PSMG4: variants seen among roughly 807,000 people sequenced by gnomAD.
The protein encoded by PSMG4 is proteasome (prosome, macropain) assembly chaperone 4.
Under a neutral mutation model 11.0 loss-of-function variants are expected in PSMG4, and 10 were observed. The ratio of observed to expected loss-of-function variants is 0.91; its 90% CI spans 0.56 to 1.54. The LOEUF (loss-of-function observed/expected upper bound fraction) is 1.54, where lower values mean the gene tolerates loss of function less well. Among genes scored for constraint, PSMG4 ranks in the 40% most tolerant of loss-of-function variants. The pLI, the probability that PSMG4 is intolerant of heterozygous loss-of-function variation, is 0.00. For missense variants in PSMG4, 198 were observed against 160.9 expected, an observed-to-expected ratio of 1.23 and a Z score of -1.25; for synonymous variants, 95 against 71.3, an observed-to-expected ratio of 1.33 and a Z score of -1.68.
chr6:3,267,446 GAA>G, intron 2 of PSMG4, 143 bp from the exon 3 acceptor site: 1 of 871,992 alleles, frequency 1.1e-6, no homozygotes, highest in East Asian at 3.0e-5. Flanking sequence ...GCACCTGTCT[GAA>G]GAGAGGCATG....
intron 2 of PSMG4, chr6:3,264,502 T>G: frequency 8.1e-7 from 1 of 1,237,194 alleles, no homozygotes; most frequent in Non-Finnish European, 1.1e-6. Context: ...AACCTCTGTG[T>G]CAGTCACACT....
upstream of PSMG4, chr6:3,258,810 A>G (rs1757848671): frequency 7.5e-6 from 3 of 398,564 alleles, no homozygotes; most frequent in Non-Finnish European, 1.3e-5. Context: ...AGGGACAGCT[A>G]CTCCGCCCAG....
At chr6:3,255,074 T>G (rs1757708390), upstream of PSMG4, 3 of 1,550,878 alleles carry the variant, frequency 1.9e-6, no homozygotes, top group African/African-American at 2.7e-5. Flanking sequence ...TGGAATATGC[T>G]TCTATTCCTA....
chr6:3,254,655 T>C (rs1355974767), upstream of PSMG4, among the ~76,000 whole-genome samples: 3 of 152,172 alleles, frequency 2.0e-5, no homozygotes, highest in Admixed American at 6.5e-5. Flanking sequence ...CCTACAGCTT[T>C]GTTCCTTCAA....
upstream of PSMG4, among the ~76,000 whole-genome samples, chr6:3,258,686 TCTG>T (rs901313678): frequency 2.9e-4 from 44 of 152,178 alleles, no homozygotes; most frequent in African/African-American, 9.9e-4. Context: ...GAGGGTGAGT[TCTG>T]CTGGGCGCCC....
At chr6:3,264,810 CTTTGTG>C (rs1758121936) in intron 2 of PSMG4, 1 of 156,312 alleles carries the variant, frequency 6.4e-6, no homozygotes, top group Non-Finnish European at 1.4e-5. Flanking sequence ...ACCCTTCCCT[CTTTGTG>C]TTTGTATCTT....
chr6:3,257,428 C>G (rs1389352119), upstream of PSMG4, among the ~76,000 whole-genome samples: 1 of 152,164 alleles, frequency 6.6e-6, no homozygotes, highest in Non-Finnish European at 1.5e-5. Context: ...CCATGCCAGC[C>G]AGGCCTTGAA....
upstream of PSMG4, among the ~76,000 whole-genome samples, chr6:3,254,625 T>G (rs1239495461): frequency 6.6e-6 from 1 of 152,004 alleles, no homozygotes; most frequent in Non-Finnish European, 1.5e-5. Flanking sequence ...CTTTAAGAGG[T>G]GTAACACTGA....
intron 1 of PSMG4, 43 bp downstream of exon 1, chr6:3,259,239 C>G (rs759063079): frequency 8.2e-7 from 1 of 1,223,204 alleles, no homozygotes; most frequent in African/African-American, 1.6e-5. Flanking sequence ...GGGGCGGGGG[C>G]GCGGGGGCGC....
intron 1 of PSMG4, among the ~76,000 whole-genome samples, chr6:3,261,635 C>G (rs1283519982): frequency 1.3e-5 from 2 of 152,244 alleles, no homozygotes; most frequent in Admixed American, 6.5e-5. Flanking sequence ...GTCCCTCTCA[C>G]TGGCCGCAGT....
chr6:3,267,258 T>G lies in PSMG4; in HGVS notation c.251-333T>G, dbSNP rs1758226690. 34 of 220,996 alleles carry G rather than the reference T, an allele frequency of 1.5e-4. No individual in the cohort carries two copies. The South Asian group carries it at 2.8e-3, about 18-fold the overall frequency. 13.7% of individuals were successfully genotyped at this position (220,996 alleles called of 1,614,324 possible). On this transcript the variant is annotated intron_variant, in intron 2 of 2. Transcript: ENST00000438998. ...AGCAGTGCGGGGCACCTGCAGGATC[T>G]GTTCCAGCAGACAGCTGGCCCCAAA...
upstream of PSMG4, among the ~76,000 whole-genome samples, chr6:3,254,782 C>T (rs939778826): frequency 2.0e-5 from 3 of 152,104 alleles, no homozygotes; most frequent in Non-Finnish European, 4.4e-5. Context: ...TAGGGTCTGG[C>T]TGAATGCTTG....
At chr6:3,258,836 C>T, upstream of PSMG4, 1 of 470,846 alleles carries the variant, frequency 2.1e-6, no homozygotes, top group Non-Finnish European at 3.4e-6. Context: ...GCAGCCGCCC[C>T]GCCTCGACCA....
In PSMG4 at chr6:3,267,880, C is replaced by A; in HGVS notation, c.*168C>A. 1.6e-6 allele frequency: 1 copy of A among 628,542 alleles called. No individual in the cohort carries two copies. Among genetic ancestry groups the A allele is most frequent in the Non-Finnish European group, 2.7e-6 (1 of 376,806 alleles). 38.9% of individuals were successfully genotyped at this position (628,542 alleles called of 1,614,324 possible). A position where few individuals can be genotyped will look rare whatever the true frequency, so the allele number is the denominator to read the frequency against. ...GGGCCAAAAGGCTCATACTGACCCA[C>A]CTGGTGAAGGAGAGGCAAAGTGGGC... On this transcript the variant is annotated 3_prime_UTR_variant, in exon 3 of 3. Transcript: ENST00000438998.
intron 1 of PSMG4, among the ~76,000 whole-genome samples, chr6:3,260,291 AT>A (rs869076629): frequency 0.014 from 971 of 70,854 alleles, 40 homozygotes; most frequent in East Asian, 0.13. Context: ...ATATATATAT[AT>A]TTTTTTTTTT....
Position 3,258,957 on chromosome 6 carries a change from G to T in PSMG4, c.-66G>T, listed in dbSNP as rs1289876969. 9 of 1,222,640 alleles carry T rather than the reference G, an allele frequency of 7.4e-6. No individual in the cohort carries two copies. Among genetic ancestry groups the T allele is most frequent in the Non-Finnish European group, 9.2e-6 (9 of 977,436 alleles). The allele number at this position is 1,222,640 out of a possible 1,614,324, so 75.7% of individuals were successfully genotyped here. A position where few individuals can be genotyped will look rare whatever the true frequency, so the allele number is the denominator to read the frequency against. On this transcript the variant is annotated 5_prime_UTR_variant, in exon 1 of 3. Coordinates refer to ENST00000438998, the MANE Select transcript of PSMG4 (RefSeq NM_001128591.2). ...GGTCTCTCGGTGCTCGCTCCATCGG[G>T]TCTGGCGGGGCTGGCAGCGGCGAGG...
Position 3,259,074 on chromosome 6 carries a change from A to G in PSMG4, c.52A>G (p.Ser18Gly), listed in dbSNP as rs1473812732. The change falls in exon 1 of 3, where the codon AGC becomes GGC. Residue 18 changes from serine to glycine, a missense_variant. By Grantham distance (56) the Ser-to-Gly change is moderately conservative. Transcript: ENST00000438998. The stretch of plus-strand genomic sequence containing the variant: ...CGGGGACGTCTCCCTGCACAACTTC[A>G]GCGCGAGGCTGTGGGAGCAGCTGGT... The part of the protein sequence containing the change: ...AGGDVSLHNF[S>G]ARLWEQLVHF... 4.7e-6 allele frequency: 6 copies of G among 1,268,060 alleles called. No homozygotes were observed. The East Asian group carries it at 9.4e-5, about 20-fold the overall frequency. The allele number at this position is 1,268,060 out of a possible 1,614,324, so 78.6% of individuals were successfully genotyped here.
chr6:3,259,440 T>C (rs946015634), intron 1 of PSMG4, among the ~76,000 whole-genome samples: 2 of 152,234 alleles, frequency 1.3e-5, no homozygotes, highest in Admixed American at 6.5e-5. Flanking sequence ...CGCACTGGTC[T>C]CTGTAGGTCA....
At chr6:3,259,910 C>T (rs1318002516) in intron 1 of PSMG4, among the ~76,000 whole-genome samples, 1 of 152,168 alleles carries the variant, frequency 6.6e-6, no homozygotes, top group Non-Finnish European at 1.5e-5. Context: ...AAGAAAGTGC[C>T]ACAGACCGCG....
Sources: allele counts gnomAD v4.1 joint callset (sites outside exome capture counted in the v4.1 genomes callset), GRCh38; gene constraint gnomAD v4.1.1; transcripts MANE v1.5; gene names NCBI Gene and HGNC (gene_info 2026-07-23, HGNC 2026-07-21).